The following SRPX variants were observed in gnomAD, a reference collection of about 807,000 sequenced individuals.
The protein encoded by SRPX is sushi repeat containing protein X-linked, also known as sushi repeat-containing protein SRPX.
Under a neutral mutation model 38.1 loss-of-function variants are expected in SRPX, and 24 were observed. The observed-to-expected ratio is 0.63, with a 90% CI of 0.46 to 0.89. The LOEUF is 0.89. SRPX is among the 40% of genes least tolerant of loss of function. The pLI is 0.00. For missense variants in SRPX, 416 were observed against 377.8 expected, an observed-to-expected ratio of 1.10 and a Z score of -0.84; for synonymous variants, 184 against 153.8, an observed-to-expected ratio of 1.20 and a Z score of -1.45.
chrX:38,178,535 T>C (rs1938609416), intron 1 of SRPX, among the ~76,000 whole-genome samples, 191 bp from the exon 2 acceptor site: 1 of 111,607 alleles, frequency 9.0e-6, no homozygotes, highest in African/African-American at 3.3e-5. Context: ...TGAGCTGAGA[T>C]TGCCAAAAAC....
intron 2 of SRPX, among the ~76,000 whole-genome samples, chrX:38,177,280 A>T (rs1159464451): frequency 9.0e-6 from 1 of 111,587 alleles, no homozygotes; most frequent in Admixed American, 9.6e-5. Flanking sequence ...ATAGGTAGGA[A>T]TGAGTATTTG....
chrX:38,177,585 G>A (rs912511780), intron 2 of SRPX, among the ~76,000 whole-genome samples: 35 of 105,941 alleles, frequency 3.3e-4, no homozygotes, highest in African/African-American at 1.2e-3. Flanking sequence ...TCCACTGTAA[G>A]AGGAACTAGA....
chrX:38,158,091 A>G (rs1453456233), intron 7 of SRPX, among the ~76,000 whole-genome samples: 1 of 112,208 alleles, frequency 8.9e-6, no homozygotes, highest in Admixed American at 9.4e-5. Context: ...CTGCTGGGGA[A>G]AGGGGTGCAG....
chrX:38,149,884 G>T lies in SRPX; in HGVS notation c.1222C>A (p.Arg408=), dbSNP rs1424836005. ...ATACTGAAGGAGTAGAGTGGGATTC[G>T]CAGCAACAGCCTGTGGCAGACAAAG... ...ALALQLRLLL[R]IPLYSFSMVL... is the part of the protein sequence containing the mutation. The change falls in exon 10 of 10, where the codon CGA becomes AGA. Residue 408 remains arginine, a synonymous_variant. Coordinates refer to ENST00000378533, the MANE Select transcript of SRPX (RefSeq NM_006307.5). 1 of 1,203,606 alleles carries T rather than the reference G, an allele frequency of 8.3e-7. No homozygotes were observed. Among genetic ancestry groups the T allele is most frequent in the Non-Finnish European group, 1.1e-6 (1 of 891,783 alleles).
At chrX:38,214,367 C>A (rs1464102658) in intron 1 of SRPX, among the ~76,000 whole-genome samples, 1 of 111,048 alleles carries the variant, frequency 9.0e-6, no homozygotes, top group Non-Finnish European at 1.9e-5. Context: ...CTGCAGAAAT[C>A]TAGATAAAGA....
At chrX:38,178,402 T>C in intron 1 of SRPX, 58 bp from the exon 2 acceptor site, 1 of 1,016,918 alleles carries the variant, frequency 9.8e-7, no homozygotes, top group South Asian at 2.0e-5. Context: ...TGGACGCATA[T>C]TTCAAAGCAT....
chrX:38,190,841 A>G (rs1938888116), intron 1 of SRPX, among the ~76,000 whole-genome samples: 1 of 111,347 alleles, frequency 9.0e-6, no homozygotes, highest in Non-Finnish European at 1.9e-5. Flanking sequence ...TATTCCTCAT[A>G]CCTATGTGGT....
intron 1 of SRPX, among the ~76,000 whole-genome samples, chrX:38,199,337 C>T (rs1440503916): frequency 1.8e-5 from 2 of 111,279 alleles, no homozygotes; most frequent in Non-Finnish European, 3.8e-5. Context: ...ACCCGGGAGG[C>T]GGAGCTTGCA....
chrX:38,198,436 T>G (rs1354986837), intron 1 of SRPX, among the ~76,000 whole-genome samples: 1 of 112,196 alleles, frequency 8.9e-6, no homozygotes, highest in Non-Finnish European at 1.9e-5. Context: ...ATTTAGAAAA[T>G]AAGCTACAGG....
rs1418278171 is a variant in SRPX at position 38,178,362 on chromosome X, A to G, written c.98-18T>C. 1 of 1,196,887 alleles carries G rather than the reference A, an allele frequency of 8.4e-7. No homozygotes were observed. The highest frequency in any genetic ancestry group is 2.2e-5 in the Admixed American group (1 of 45,892). ...TCCCGATCCTACAATAAAAAAGAAC[A>G]GAAACTGCAGCAAGAAAAGCCACAT... On this transcript the variant is annotated intron_variant, in intron 1 of 9. Coordinates refer to ENST00000378533, the MANE Select transcript of SRPX (RefSeq NM_006307.5).
At chrX:38,159,259 A>C (rs1938193023) in intron 7 of SRPX, among the ~76,000 whole-genome samples, 1 of 112,210 alleles carries the variant, frequency 8.9e-6, no homozygotes, top group South Asian at 3.7e-4. Context: ...TAATACATGA[A>C]ATTGAAGAAT....
intron 2 of SRPX, among the ~76,000 whole-genome samples, chrX:38,174,829 G>C (rs1938540712): frequency 8.9e-6 from 1 of 111,909 alleles, no homozygotes; most frequent in Non-Finnish European, 1.9e-5. Flanking sequence ...TGGTTAATTT[G>C]GATTTCGTCT....
At chrX:38,167,151 C>T (rs918145984) in intron 4 of SRPX, among the ~76,000 whole-genome samples, 3 of 112,245 alleles carry the variant, frequency 2.7e-5, no homozygotes, top group Non-Finnish European at 5.6e-5. Flanking sequence ...GTGTTATTAG[C>T]ATCCTCATTT....
At chrX:38,164,289 T>C (rs967492723) in intron 5 of SRPX, among the ~76,000 whole-genome samples, 3 of 110,076 alleles carry the variant, frequency 2.7e-5, no homozygotes, top group African/African-American at 9.9e-5. Context: ...ATTACAGGTG[T>C]GTGCCACCAT....
chrX:38,179,086 A>G (rs1199317700), intron 1 of SRPX, among the ~76,000 whole-genome samples: 1 of 108,722 alleles, frequency 9.2e-6, no homozygotes, highest in Non-Finnish European at 1.9e-5. Context: ...AGCTGGAATT[A>G]CAGGCATGTG....
intron 1 of SRPX, among the ~76,000 whole-genome samples, chrX:38,180,387 C>G (rs1207353271): frequency 1.8e-5 from 2 of 111,595 alleles, no homozygotes; most frequent in East Asian, 5.6e-4. Flanking sequence ...TAAGTATTTC[C>G]CAGGAGTCCA....
In SRPX at chrX:38,149,746, G is replaced by A; in HGVS notation, c.1360C>T (p.Leu454=). The change falls in exon 10 of 10, where the codon CTA becomes TTA. Residue 454 remains leucine, a synonymous_variant. Transcript: ENST00000378533. ...CAGGTCTGGCTCATTTCGGCTTGTA[G>A]GACCATCTCTTCTTTTCTCAAGGGA... ...TFPLRKEEMV[L]QAEMSQTCNT is the part of the protein sequence containing the mutation. 2 of 1,211,088 alleles carry A rather than the reference G, an allele frequency of 1.7e-6. No individual in the cohort carries two copies. Among genetic ancestry groups the A allele is most frequent in the Non-Finnish European group, 2.2e-6 (2 of 895,258 alleles).
intron 1 of SRPX, among the ~76,000 whole-genome samples, chrX:38,195,380 TG>T: frequency 1.2e-5 from 1 of 84,786 alleles, no homozygotes; most frequent in African/African-American, 3.8e-5. Flanking sequence ...GAGGTGTTTG[TG>T]GTTTTTTTTT....
chrX:38,207,353 G>C (rs765570177), intron 1 of SRPX, among the ~76,000 whole-genome samples: 2 of 111,941 alleles, frequency 1.8e-5, no homozygotes, highest in Non-Finnish European at 3.8e-5. Flanking sequence ...ACCTAAATCT[G>C]AGGAGGTCAG....
Sources: gnomAD v4.1 joint callset for allele counts (sites outside exome capture counted in the v4.1 genomes callset) on GRCh38, gnomAD v4.1.1 for gene constraint, MANE v1.5 for transcripts, NCBI Gene and HGNC (gene_info 2026-07-23, HGNC 2026-07-21) for gene names.